The following PCDHGA7 variants were observed in gnomAD, a reference collection of about 807,000 sequenced individuals.
PCDHGA7 encodes the protein protocadherin gamma-A7.
In PCDHGA7, 44 loss-of-function variants were observed where a neutral mutation model predicts 58.3. The observed-to-expected ratio is 0.75, with a 90% CI of 0.59 to 0.97. The LOEUF is 0.97. Among genes scored for constraint, PCDHGA7 ranks in the 50% least tolerant of loss-of-function variants. The probability of loss-of-function intolerance (pLI) is 0.00; values close to 1 mark genes in which losing one functional copy is unlikely to be tolerated. For missense variants in PCDHGA7, 1,266 were observed against 1,188.7 expected (o/e 1.06, Z -0.96); for synonymous variants, 516 against 504.2 (o/e 1.02, Z -0.31).
rs561499055 is a variant in PCDHGA7 at position 141,423,745 on chromosome 5, C to G, written c.2424+38422C>G. 10 of 605,688 alleles carry G rather than the reference C, an allele frequency of 1.7e-5. No individual in the cohort carries two copies. The East Asian group carries it at 3.1e-4, about 19-fold the overall frequency. The allele number at this position is 605,688 out of a possible 1,614,324, so 37.5% of individuals were successfully genotyped here. A position where few individuals can be genotyped will look rare whatever the true frequency, so the allele number is the denominator to read the frequency against. The stretch of plus-strand genomic sequence containing the variant: ...ATGTTTTTTGAGCCTGTTATGAAAA[C>G]TGTTTGGGGGGGGGGTGGGGCGGCA... On this transcript the variant is annotated intron_variant, in intron 1 of 3. Coordinates refer to ENST00000518325, the MANE Select transcript of PCDHGA7 (RefSeq NM_018920.4).
At chr5:141,399,363 G>A (rs773376480) in intron 1 of PCDHGA7, 5 of 1,613,910 alleles carry the variant, frequency 3.1e-6, no homozygotes, top group Non-Finnish European at 3.4e-6. Flanking sequence ...AGCAAACCCC[G>A]GAGTACAATG....
chr5:141,392,759 T>C, intron 1 of PCDHGA7: 1 of 1,473,194 alleles, frequency 6.8e-7, no homozygotes, highest in Non-Finnish European at 9.0e-7. Flanking sequence ...AGAAACTAAA[T>C]AAGACCCATT....
At chr5:141,445,508 T>C (rs2098468947) in intron 1 of PCDHGA7, among the ~76,000 whole-genome samples, 1 of 152,200 alleles carries the variant, frequency 6.6e-6, no homozygotes, top group Non-Finnish European at 1.5e-5. Context: ...TAATACATGA[T>C]ATTTTACAGG....
At chr5:141,427,825 C>T (rs1342117815) in intron 1 of PCDHGA7, 2 of 1,536,464 alleles carry the variant, frequency 1.3e-6, no homozygotes, top group Non-Finnish European at 1.8e-6. Flanking sequence ...GTGGTGGTCG[C>T]GCAGCGTGCC....
rs1360248889 is a variant in PCDHGA7 at position 141,384,622 on chromosome 5, A to G, written c.1723A>G (p.Met575Val). The change falls in exon 1 of 4, where the codon ATG becomes GTG. Residue 575 changes from methionine to valine, a missense_variant. Transcript: ENST00000518325. The stretch of plus-strand genomic sequence containing the variant: ...CCTCCCCACAGATGGTTCTACTGGC[A>G]TGGAGCTGGCACCCCGCTCCGCAGA... ...PALPTDGSTG[M>V]ELAPRSAEPG... 1 of 1,614,218 alleles carries G rather than the reference A, an allele frequency of 6.2e-7. No homozygotes were observed. The highest frequency in any genetic ancestry group is 2.2e-5 in the East Asian group (1 of 44,884).
At chr5:141,390,012 G>A (rs370865188) in intron 1 of PCDHGA7, 2 of 1,614,034 alleles carry the variant, frequency 1.2e-6, no homozygotes, top group South Asian at 2.2e-5. Context: ...TCTGGCCATT[G>A]CCTTGCGCCT....
intron 1 of PCDHGA7, chr5:141,414,596 C>T: frequency 6.2e-7 from 1 of 1,613,962 alleles, no homozygotes; most frequent in Non-Finnish European, 8.5e-7. Context: ...AGGGGTGCCT[C>T]CATCTTCTCA....
chr5:141,398,497 G>A, intron 1 of PCDHGA7: 1 of 1,570,856 alleles, frequency 6.4e-7, no homozygotes, highest in Non-Finnish European at 8.6e-7. Context: ...TGTGGAGATC[G>A]AGGACATTAA....
rs775963212 is a variant in PCDHGA7, at chr5:141,485,463, G to T, written c.2425-9344G>T. ...CCAATCGACCGAGAGGCACTGTGTG[G>T]GCTCAGTGCCAGCTGCATCGTGCCC... On this transcript the variant is annotated intron_variant, in intron 1 of 3. Coordinates refer to ENST00000518325, the MANE Select transcript of PCDHGA7 (RefSeq NM_018920.4). The surrounding 1 kb of genome is among the most constrained non-coding windows in gnomAD (Gnocchi z 5.7). The T allele has an allele frequency of 1.2e-6, 2 of 1,614,086 alleles. No individual in the cohort carries two copies. The highest frequency in any genetic ancestry group is 3.3e-5 in the Admixed American group (2 of 60,026).
rs770685748 is a variant in PCDHGA7 at position 141,486,601 on chromosome 5, C to T, written c.2425-8206C>T. 9 of 1,613,558 alleles carry T rather than the reference C, an allele frequency of 5.6e-6. No homozygotes were observed. The highest frequency in any genetic ancestry group is 7.6e-6 in the Non-Finnish European group (9 of 1,180,024). On this transcript the variant is annotated intron_variant, in intron 1 of 3. Transcript: ENST00000518325. This position sits in a 1 kb window ranked among gnomAD's most constrained non-coding sequence, Gnocchi z 5.0. ...ATCGCCCAGGGGACCTGCTTTGCTC[C>T]CTTGCAGCCTCTGACCCAGACTCTG...
At chr5:141,393,228 G>C (rs753113857) in intron 1 of PCDHGA7, 2 of 1,613,720 alleles carry the variant, frequency 1.2e-6, no homozygotes, top group East Asian at 2.2e-5. Context: ...CGAAGATCTA[G>C]AAGTAAAAAT....
intron 1 of PCDHGA7, among the ~76,000 whole-genome samples, chr5:141,462,763 G>A (rs935087747): frequency 2.6e-5 from 4 of 152,036 alleles, no homozygotes; most frequent in Non-Finnish European, 4.4e-5. Context: ...TTTTCTTCCT[G>A]GCTTGGGGTC....
intron 1 of PCDHGA7, chr5:141,388,296 T>G: frequency 1.2e-6 from 2 of 1,613,704 alleles, no homozygotes; most frequent in Non-Finnish European, 1.7e-6. Flanking sequence ...GCAAAATTCC[T>G]TTGAGCTGCA....
In PCDHGA7 at chr5:141,423,512, C is replaced by T. The variant is rs765694240; in HGVS notation, c.2424+38189C>T. 55 of 1,613,552 alleles carry T rather than the reference C, an allele frequency of 3.4e-5. No individual in the cohort carries two copies. The highest frequency in any genetic ancestry group is 2.8e-4 in the African/African-American group (21 of 74,924). On this transcript the variant is annotated intron_variant, in intron 1 of 3. Coordinates refer to ENST00000518325, the MANE Select transcript of PCDHGA7 (RefSeq NM_018920.4). ...TATTCCCACGAGGTCTCTCTCATTGCGGACTCGCAGAAGAGTCACCTGATT... is the reference window on the plus strand; with the variant it reads ...TATTCCCACGAGGTCTCTCTCATTGTGGACTCGCAGAAGAGTCACCTGATT...
intron 2 of PCDHGA7, among the ~76,000 whole-genome samples, chr5:141,502,686 C>T (rs2099815631): frequency 6.6e-6 from 1 of 152,136 alleles, no homozygotes; most frequent in Admixed American, 6.5e-5. Flanking sequence ...CCCTGATGAT[C>T]CTTGCCTGTA....
At position 141,486,837 on chromosome 5, in the gene PCDHGA7, T is replaced by G; in HGVS notation, c.2425-7970T>G. The G allele has an allele frequency of 6.2e-7, 1 of 1,614,256 alleles. No individual in the cohort carries two copies. The highest frequency in any genetic ancestry group is 8.5e-7 in the Non-Finnish European group (1 of 1,180,044). ...AGCACTGTAACAGTTCGTCTATTTG[T>G]GCTGGACCTCAATGACAATGCTCCA... On this transcript the variant is annotated intron_variant, in intron 1 of 3. Transcript: ENST00000518325. The surrounding 1 kb of genome is among the most constrained non-coding windows in gnomAD (Gnocchi z 5.0).
Position 141,414,298 on chromosome 5 carries a change from G to A in PCDHGA7, c.2424+28975G>A, listed in dbSNP as rs200349573. ...GGGAACAGTCGTAGCCCTTTTAAAT[G>A]TGCATGATTTAGACTCTGAGCAGAA... On this transcript the variant is annotated intron_variant, in intron 1 of 3. Transcript: ENST00000518325. The A allele has an allele frequency of 1.9e-5, 30 of 1,613,626 alleles. No homozygotes were observed. In the East Asian group the frequency reaches 6.7e-4, roughly 36 times the overall value.
rs371130763 is a variant in PCDHGA7 at position 141,432,970 on chromosome 5, G to A, written c.2424+47647G>A. The A allele has an allele frequency of 5.0e-6, 8 of 1,613,996 alleles. No homozygotes were observed. Among genetic ancestry groups the A allele is most frequent in the East Asian group, 4.5e-5 (2 of 44,868 alleles). ...GAGGCGGCTTGACAGGAGCGCCGGC[G>A]TCGCACTTTGTGGGCGTGGACGGGG... On this transcript the variant is annotated intron_variant, in intron 1 of 3. Transcript: ENST00000518325. The surrounding 1 kb of genome is among the most constrained non-coding windows in gnomAD (Gnocchi z 6.0).
chr5:141,485,358 G>T lies in PCDHGA7; in HGVS notation c.2425-9449G>T. 1.2e-6 allele frequency: 2 copies of T among 1,614,100 alleles called. No individual in the cohort carries two copies. Among genetic ancestry groups the T allele is most frequent in the Non-Finnish European group, 1.7e-6 (2 of 1,180,006 alleles). On this transcript the variant is annotated intron_variant, in intron 1 of 3. Coordinates refer to ENST00000518325, the MANE Select transcript of PCDHGA7 (RefSeq NM_018920.4). This position sits in a 1 kb window ranked among gnomAD's most constrained non-coding sequence, Gnocchi z 5.7. ...CTGGATACGGACAGTCTGTCAGCTC[G>T]CAGGCTGCAGGTCGCTGGAGAGGTG...
Sources: allele counts gnomAD v4.1 joint callset (sites outside exome capture counted in the v4.1 genomes callset), GRCh38; gene constraint gnomAD v4.1.1; non-coding constraint Gnocchi (gnomAD v3.1); transcripts MANE v1.5; gene names NCBI Gene and HGNC (gene_info 2026-07-23, HGNC 2026-07-21).